The following TRAPPC9 variants were observed in gnomAD, a reference collection of about 807,000 sequenced individuals.
TRAPPC9 encodes trafficking protein particle complex subunit 9.
Under a neutral mutation model 124.0 loss-of-function variants are expected in TRAPPC9, and 83 were observed. The observed-to-expected ratio is 0.67, with a 90% confidence interval of 0.56 to 0.80. TRAPPC9 has a LOEUF of 0.80. Ranked by LOEUF, TRAPPC9 falls within the 30% of genes least tolerant of loss-of-function variation. The pLI, the probability that TRAPPC9 is intolerant of heterozygous loss-of-function variation, is 0.00. For synonymous variants in TRAPPC9, 638 were observed against 617.5 expected, an observed-to-expected ratio of 1.03 and a Z score of -0.49; for missense variants, 1,302 against 1,508.3, an observed-to-expected ratio of 0.86 and a Z score of 2.27.
chr8:140,072,734 A>G (rs1331229088), intron 17 of TRAPPC9, among the ~76,000 whole-genome samples: 1 of 152,078 alleles, frequency 6.6e-6, no homozygotes, highest in Non-Finnish European at 1.5e-5. Context: ...TATACATAAC[A>G]TAGTGTCACT....
intron 16 of TRAPPC9, among the ~76,000 whole-genome samples, chr8:140,231,281 G>C (rs898384562): frequency 6.6e-6 from 1 of 152,120 alleles, no homozygotes; most frequent in Non-Finnish European, 1.5e-5. Context: ...CTGAAGTTGT[G>C]TCATGTGGCA....
chr8:140,085,338 TA>T (rs11423500), intron 17 of TRAPPC9, among the ~76,000 whole-genome samples: 2,566 of 143,224 alleles, frequency 0.018, 36 homozygotes, highest in Non-Finnish European at 0.026. Flanking sequence ...TCTTACTGTT[TA>T]AAAAAAAAAA....
chr8:140,186,521 G>A (rs1228068985), intron 17 of TRAPPC9, among the ~76,000 whole-genome samples: 1 of 152,036 alleles, frequency 6.6e-6, no homozygotes, highest in East Asian at 1.9e-4. Context: ...GGGAGGCAGA[G>A]GTTGCCACTG....
At chr8:139,762,415 A>G (rs1820301316) in intron 21 of TRAPPC9, among the ~76,000 whole-genome samples, 1 of 152,194 alleles carries the variant, frequency 6.6e-6, no homozygotes, top group Admixed American at 6.5e-5. Context: ...TAGTGTGAAC[A>G]TCACAGAGGG....
chr8:139,978,100 A>C (rs1836609083), intron 19 of TRAPPC9, among the ~76,000 whole-genome samples: 1 of 151,930 alleles, frequency 6.6e-6, no homozygotes, highest in African/African-American at 2.4e-5. Context: ...CTGGTCTCGA[A>C]CTCCTGGCTT....
At chr8:140,341,108 G>A (rs2067183273) in intron 9 of TRAPPC9, among the ~76,000 whole-genome samples, 1 of 152,164 alleles carries the variant, frequency 6.6e-6, no homozygotes, top group Admixed American at 6.5e-5. Flanking sequence ...GAGCCTCTAT[G>A]ATTAGGCTGG....
chr8:140,002,222 G>A (rs1380209605), intron 18 of TRAPPC9, among the ~76,000 whole-genome samples: 1 of 150,814 alleles, frequency 6.6e-6, no homozygotes, highest in Non-Finnish European at 1.5e-5. Flanking sequence ...TTTCATTCAT[G>A]ATTTAAAAAA....
chr8:139,789,679 C>A (rs962261692), intron 21 of TRAPPC9, among the ~76,000 whole-genome samples: 1 of 152,162 alleles, frequency 6.6e-6, no homozygotes, highest in Non-Finnish European at 1.5e-5. Flanking sequence ...TCTTTGCTCC[C>A]GAGTGCCCTG....
intron 7 of TRAPPC9, among the ~76,000 whole-genome samples, chr8:140,391,365 A>G (rs2068918047): frequency 6.6e-6 from 1 of 152,252 alleles, no homozygotes; most frequent in South Asian, 2.1e-4. Flanking sequence ...TTTTCAAACA[A>G]TTCCTTACTA....
intron 22 of TRAPPC9, 58 bp downstream of exon 22, chr8:139,731,921 G>T: frequency 6.7e-7 from 1 of 1,488,168 alleles, no homozygotes; most frequent in Non-Finnish European, 9.2e-7. Context: ...CCCAGGGAAG[G>T]GGGGATGATG....
intron 17 of TRAPPC9, among the ~76,000 whole-genome samples, chr8:140,208,088 T>A (rs528440313): frequency 1.3e-4 from 19 of 151,444 alleles, no homozygotes; most frequent in African/African-American, 4.4e-4. Flanking sequence ...AGGCAGAGGT[T>A]GCAGTGTGCC....
intron 9 of TRAPPC9, among the ~76,000 whole-genome samples, chr8:140,336,310 A>C (rs1260022608): frequency 6.6e-6 from 1 of 152,200 alleles, no homozygotes; most frequent in African/African-American, 2.4e-5. Context: ...TACTGTGTAT[A>C]GTCTGTGGCT....
chr8:140,421,797 C>T, intron 5 of TRAPPC9, among the ~76,000 whole-genome samples: 1 of 152,128 alleles, frequency 6.6e-6, no homozygotes, highest in East Asian at 1.9e-4. Flanking sequence ...GTAGTCATGA[C>T]ACTACCTTTA....
intron 17 of TRAPPC9, among the ~76,000 whole-genome samples, chr8:140,202,460 C>T (rs2062815029): frequency 6.6e-6 from 1 of 152,128 alleles, no homozygotes. Context: ...TACCCAGGCA[C>T]TATATTCCTG....
At chr8:139,827,241 T>C (rs1356243261) in intron 21 of TRAPPC9, among the ~76,000 whole-genome samples, 2 of 152,182 alleles carry the variant, frequency 1.3e-5, no homozygotes, top group Non-Finnish European at 2.9e-5. Context: ...TCCCTGTGCC[T>C]GAGGAGGACA....
At chr8:140,291,931 G>C (rs1323144800) in intron 11 of TRAPPC9, among the ~76,000 whole-genome samples, 1 of 152,184 alleles carries the variant, frequency 6.6e-6, no homozygotes, top group Non-Finnish European at 1.5e-5. Context: ...GTGAGAGCAG[G>C]CCCTTCCCTT....
intron 17 of TRAPPC9, among the ~76,000 whole-genome samples, chr8:140,090,611 A>G (rs879877335): frequency 2.0e-5 from 3 of 152,262 alleles, no homozygotes; most frequent in Admixed American, 6.5e-5. Flanking sequence ...CCAGCTGCGT[A>G]GAGGTCCGGG....
chr8:140,233,715 T>G (rs1433908521), intron 16 of TRAPPC9, among the ~76,000 whole-genome samples: 1 of 145,214 alleles, frequency 6.9e-6, no homozygotes, highest in Non-Finnish European at 1.5e-5. Context: ...CTGGCTTTGC[T>G]CTTTTCTGCC....
intron 21 of TRAPPC9, among the ~76,000 whole-genome samples, chr8:139,814,429 G>C (rs1824684527): frequency 6.6e-6 from 1 of 152,174 alleles, no homozygotes; most frequent in Non-Finnish European, 1.5e-5. Context: ...GGGAGGGTAA[G>C]AAGTCCCTCA....
Sources: allele counts gnomAD v4.1 joint callset (sites outside exome capture counted in the v4.1 genomes callset), GRCh38; gene constraint gnomAD v4.1.1; transcripts MANE v1.5; gene names NCBI Gene and HGNC (gene_info 2026-07-23, HGNC 2026-07-21).